The following SGCZ variants were observed in gnomAD, a reference collection of about 807,000 sequenced individuals.
SGCZ encodes the protein sarcoglycan zeta.
SGCZ carries 40 observed loss-of-function variants against 41.3 expected under a neutral mutation model. The observed-to-expected ratio is 0.97, with a 90% CI of 0.75 to 1.26. The LOEUF is 1.26. Among genes scored for constraint, SGCZ ranks in the 50% most tolerant of loss-of-function variants. SGCZ has a pLI of 0.00. For synonymous variants in SGCZ, 206 were observed against 137.5 expected (o/e 1.50, Z -3.49); for missense variants, 552 against 369.8 (o/e 1.49, Z -4.04).
At chr8:14,856,355 G>T (rs889098338) in intron 1 of SGCZ, among the ~76,000 whole-genome samples, 1 of 152,160 alleles carries the variant, frequency 6.6e-6, no homozygotes, top group African/African-American at 2.4e-5. Context: ...AACCTCTAAA[G>T]GTTAGGGTTT....
At chr8:14,947,165 T>A (rs1800479396) in intron 1 of SGCZ, among the ~76,000 whole-genome samples, 1 of 152,196 alleles carries the variant, frequency 6.6e-6, no homozygotes, top group Non-Finnish European at 1.5e-5. Flanking sequence ...ATAGTGTGAT[T>A]GTCTGGGGAA....
At chr8:14,780,278 G>C (rs544473266) in intron 1 of SGCZ, among the ~76,000 whole-genome samples, 6 of 151,842 alleles carry the variant, frequency 4.0e-5, no homozygotes, top group African/African-American at 1.2e-4. Flanking sequence ...GGGAGGCTGA[G>C]GCAGGAGAAT....
intron 2 of SGCZ, among the ~76,000 whole-genome samples, chr8:14,534,377 T>C (rs1308399758): frequency 2.0e-5 from 3 of 151,994 alleles, no homozygotes; most frequent in Non-Finnish European, 4.4e-5. Context: ...GAGAGGAAAT[T>C]AGTGACTATT....
intron 2 of SGCZ, among the ~76,000 whole-genome samples, chr8:14,532,462 C>A (rs1489070681): frequency 6.6e-6 from 1 of 151,918 alleles, no homozygotes; most frequent in African/African-American, 2.4e-5. Context: ...AAGAGACAGA[C>A]ACTGAAATGA....
intron 1 of SGCZ, among the ~76,000 whole-genome samples, chr8:15,039,791 G>A (rs1804014313): frequency 6.6e-6 from 1 of 152,168 alleles, no homozygotes; most frequent in South Asian, 2.1e-4. Flanking sequence ...CCAGGAATAC[G>A]AATATTAATT....
chr8:15,049,765 C>A (rs1804446949), intron 1 of SGCZ, among the ~76,000 whole-genome samples: 1 of 152,054 alleles, frequency 6.6e-6, no homozygotes, highest in Admixed American at 6.6e-5. Context: ...GTTATGATAA[C>A]TAAATCATGG....
intron 2 of SGCZ, among the ~76,000 whole-genome samples, chr8:14,331,213 A>G (rs1002351236): frequency 5.9e-5 from 9 of 152,032 alleles, no homozygotes; most frequent in Non-Finnish European, 1.3e-4. Context: ...TAAAGAATGG[A>G]AATATTAAAT....
At chr8:14,240,335 A>C (rs1224771360) in intron 3 of SGCZ, among the ~76,000 whole-genome samples, 6 of 13,606 alleles carry the variant, frequency 4.4e-4, no homozygotes, top group Admixed American at 7.4e-4. Context: ...GTCAAAAAAA[A>C]AAAAAAAAAA....
chr8:14,567,789 G>A (rs887526095), intron 1 of SGCZ, among the ~76,000 whole-genome samples: 4 of 152,072 alleles, frequency 2.6e-5, no homozygotes, highest in African/African-American at 9.7e-5. Context: ...CCACTGGGAG[G>A]AATGAACACC....
At chr8:14,147,713 A>G (rs1563153589) in intron 5 of SGCZ, among the ~76,000 whole-genome samples, 1 of 152,202 alleles carries the variant, frequency 6.6e-6, no homozygotes, top group Admixed American at 6.5e-5. Flanking sequence ...AATGGATATA[A>G]CAGATATTTA....
At chr8:15,009,397 C>T (rs532686352) in intron 1 of SGCZ, among the ~76,000 whole-genome samples, 137 of 40,784 alleles carry the variant, frequency 3.4e-3, no homozygotes, top group Non-Finnish European at 6.7e-3. Flanking sequence ...GCCCCACCTC[C>T]AACGTTGGGT....
chr8:15,135,674 C>A (rs971812734), intron 1 of SGCZ, among the ~76,000 whole-genome samples: 3 of 152,148 alleles, frequency 2.0e-5, no homozygotes, highest in Admixed American at 1.3e-4. Flanking sequence ...GCAAGTCAAA[C>A]AGTGTTTAGA....
intron 4 of SGCZ, among the ~76,000 whole-genome samples, chr8:14,235,202 T>A (rs893142569): frequency 2.1e-4 from 32 of 152,214 alleles, no homozygotes; most frequent in Non-Finnish European, 4.1e-4. Context: ...GTGGCTTTGT[T>A]TCAAATATGA....
rs33933535 is a variant in SGCZ, at chr8:14,879,595, G to GACACAC, written c.40-324675_40-324670dup. On this transcript the variant is annotated intron_variant, in intron 1 of 7. Coordinates refer to ENST00000382080, the MANE Select transcript of SGCZ (RefSeq NM_139167.4). ...GGAGATACACACACACAGACACACA[G>GACACAC]ACACACACACACACACACACACACA... Among the ~76,000 whole-genome samples the GACACAC allele has an allele frequency of 4.3e-3, 627 of 147,108 alleles. 5 individuals carry two copies. The highest frequency in any genetic ancestry group is 0.013 in the African/African-American group (516 of 40,262).
At chr8:14,594,230 TAAAAC>T (rs1186757790) in intron 1 of SGCZ, among the ~76,000 whole-genome samples, 2 of 148,914 alleles carry the variant, frequency 1.3e-5, no homozygotes, top group East Asian at 2.0e-4. Context: ...ATAAATAAAA[TAAAAC>T]AAAATACAAA....
At chr8:14,827,194 G>A (rs1175081786) in intron 1 of SGCZ, among the ~76,000 whole-genome samples, 3 of 149,774 alleles carry the variant, frequency 2.0e-5, no homozygotes, top group Non-Finnish European at 4.4e-5. Context: ...AATGTGCCAA[G>A]GATTGTTAAG....
chr8:15,145,685 G>T (rs995125238), intron 1 of SGCZ, among the ~76,000 whole-genome samples: 2 of 152,046 alleles, frequency 1.3e-5, no homozygotes, highest in Admixed American at 6.6e-5. Flanking sequence ...AAACTCCTAG[G>T]CTCAAGTAAT....
chr8:15,021,663 A>G (rs1271164240), intron 1 of SGCZ, among the ~76,000 whole-genome samples: 2 of 152,212 alleles, frequency 1.3e-5, no homozygotes, highest in African/African-American at 4.8e-5. Context: ...GTTAATCCAC[A>G]TATGGTTTCT....
At chr8:14,863,608 C>T (rs1195316077) in intron 1 of SGCZ, among the ~76,000 whole-genome samples, 1 of 152,078 alleles carries the variant, frequency 6.6e-6, no homozygotes, top group Admixed American at 6.6e-5. Flanking sequence ...CTTTAAGGAT[C>T]GAGGTCAGGG....
Sources: gnomAD v4.1 joint callset for allele counts (sites outside exome capture counted in the v4.1 genomes callset) on GRCh38, gnomAD v4.1.1 for gene constraint, MANE v1.5 for transcripts, NCBI Gene and HGNC (gene_info 2026-07-23, HGNC 2026-07-21) for gene names.